The following PIP4K2A variants were observed in gnomAD, a reference collection of about 807,000 sequenced individuals.
PIP4K2A encodes phosphatidylinositol-5-phosphate 4-kinase type 2 alpha.
PIP4K2A carries 14 observed loss-of-function variants against 42.9 expected under a neutral mutation model. The observed-to-expected ratio is 0.33, with a 90% CI of 0.22 to 0.51. The LOEUF is 0.51. PIP4K2A is among the 20% of genes least tolerant of loss of function. The probability of loss-of-function intolerance (pLI) is 0.97; values close to 1 mark genes in which losing one functional copy is unlikely to be tolerated. For synonymous variants in PIP4K2A, 192 were observed against 192.2 expected (o/e 1.00, Z 0.01); for missense variants, 434 against 519.8 (o/e 0.83, Z 1.61).
At chr10:22,689,938 A>C (rs1281540188) in intron 1 of PIP4K2A, among the ~76,000 whole-genome samples, 3 of 152,192 alleles carry the variant, frequency 2.0e-5, no homozygotes, top group African/African-American at 4.8e-5. Context: ...GACATCACTG[A>C]ATAAGGCTGG....
intron 7 of PIP4K2A, among the ~76,000 whole-genome samples, chr10:22,546,865 A>G (rs1362830714): frequency 2.0e-5 from 3 of 152,208 alleles, no homozygotes; most frequent in African/African-American, 7.2e-5. Context: ...CACTGCAGGA[A>G]AACAGTATAT....
intron 1 of PIP4K2A, among the ~76,000 whole-genome samples, chr10:22,613,940 C>G (rs892789299): frequency 6.6e-6 from 1 of 152,200 alleles, no homozygotes; most frequent in Admixed American, 6.5e-5. Context: ...GAGTTTTCCA[C>G]TGTAGTCGAT....
chr10:22,663,794 G>A (rs189662388), intron 1 of PIP4K2A, among the ~76,000 whole-genome samples: 5 of 151,482 alleles, frequency 3.3e-5, no homozygotes, highest in African/African-American at 9.7e-5. Flanking sequence ...CACATGATTT[G>A]TAATGACATA....
chr10:22,543,723 T>G (rs888231226), intron 7 of PIP4K2A, among the ~76,000 whole-genome samples: 1 of 152,048 alleles, frequency 6.6e-6, no homozygotes, highest in African/African-American at 2.4e-5. Flanking sequence ...TGGGATCATG[T>G]TTGTGGGGGC....
At chr10:22,677,303 T>C (rs938673370) in intron 1 of PIP4K2A, among the ~76,000 whole-genome samples, 3 of 152,184 alleles carry the variant, frequency 2.0e-5, no homozygotes, top group African/African-American at 7.2e-5. Flanking sequence ...GACTGAGACT[T>C]AATGGGCACG....
chr10:22,593,137 C>T (rs1401264329), intron 3 of PIP4K2A, among the ~76,000 whole-genome samples: 2 of 152,202 alleles, frequency 1.3e-5, no homozygotes, highest in African/African-American at 4.8e-5. Context: ...GCAGGCCCTA[C>T]CTATGCCTGA....
chr10:22,603,893 C>G (rs1564439014), intron 3 of PIP4K2A, among the ~76,000 whole-genome samples: 1 of 152,168 alleles, frequency 6.6e-6, no homozygotes, highest in East Asian at 1.9e-4. Context: ...CACACTGATT[C>G]AACCCTGAGC....
At chr10:22,577,407 T>C (rs1416908793) in intron 4 of PIP4K2A, among the ~76,000 whole-genome samples, 1 of 152,150 alleles carries the variant, frequency 6.6e-6, no homozygotes, top group Non-Finnish European at 1.5e-5. Context: ...CATAAATGGC[T>C]TGGTGCCATA....
intron 9 of PIP4K2A, among the ~76,000 whole-genome samples, chr10:22,539,195 G>C (rs923250242): frequency 6.6e-6 from 1 of 152,194 alleles, no homozygotes; most frequent in Non-Finnish European, 1.5e-5. Context: ...GAGCCAGGAG[G>C]GGGCTGGGTC....
In PIP4K2A at chr10:22,573,475, A is replaced by G. The variant is rs571857152; in HGVS notation, c.493-18T>C. ...ACTATGTACTGCATAGGAGAGAAAG[A>G]AAAAGGAAAAAAACATCCAATCAAA... On this transcript the variant is annotated intron_variant, in intron 4 of 9. Coordinates refer to ENST00000376573, the MANE Select transcript of PIP4K2A (RefSeq NM_005028.5). 6.9e-6 allele frequency: 11 copies of G among 1,592,542 alleles called. No homozygotes were observed. In the South Asian group the frequency reaches 1.3e-4, roughly 18 times the overall value.
At chr10:22,654,108 A>T (rs887975859) in intron 1 of PIP4K2A, among the ~76,000 whole-genome samples, 2 of 152,198 alleles carry the variant, frequency 1.3e-5, no homozygotes, top group East Asian at 3.8e-4. Context: ...GGGTTCTGGA[A>T]TGGCAATGAC....
intron 9 of PIP4K2A, among the ~76,000 whole-genome samples, chr10:22,538,090 C>A (rs117128690): frequency 7.9e-5 from 12 of 152,332 alleles, no homozygotes; most frequent in African/African-American, 2.9e-4. Flanking sequence ...AGGGCAAGCA[C>A]GGAGTTTTGC....
At position 22,567,759 on chromosome 10, in the gene PIP4K2A, A is replaced by C. The variant is rs573629803; in HGVS notation, c.678+92T>G. ...GGGGAACAGGAAGAACCACAATAGC[A>C]GGGGTGGGAGACTAGAAATAAAGAG... On this transcript the variant is annotated intron_variant, in intron 6 of 9. Transcript: ENST00000376573. 29 of 1,060,588 alleles carry C rather than the reference A, an allele frequency of 2.7e-5. No individual in the cohort carries two copies. The South Asian group carries it at 3.2e-4, about 12-fold the overall frequency. 65.7% of individuals were successfully genotyped at this position (1,060,588 alleles called of 1,614,324 possible). A position where few individuals can be genotyped will look rare whatever the true frequency, so the allele number is the denominator to read the frequency against.
At chr10:22,613,490 G>A (rs1838102377) in intron 1 of PIP4K2A, among the ~76,000 whole-genome samples, 1 of 152,148 alleles carries the variant, frequency 6.6e-6, no homozygotes, top group Non-Finnish European at 1.5e-5. Flanking sequence ...CATGGGGAGG[G>A]AGCAGAACTG....
intron 1 of PIP4K2A, among the ~76,000 whole-genome samples, chr10:22,650,462 C>T (rs1333549046): frequency 6.6e-6 from 1 of 152,070 alleles, no homozygotes; most frequent in Non-Finnish European, 1.5e-5. Context: ...GCCCAGGCTG[C>T]CTCAGTTTTC....
chr10:22,651,843 G>C (rs1331384629), intron 1 of PIP4K2A, among the ~76,000 whole-genome samples: 2 of 152,136 alleles, frequency 1.3e-5, no homozygotes, highest in African/African-American at 4.8e-5. Context: ...GTGCTGCTTT[G>C]GCTGGGGAAC....
intron 1 of PIP4K2A, among the ~76,000 whole-genome samples, chr10:22,665,160 T>G (rs1279663934): frequency 6.6e-6 from 1 of 152,216 alleles, no homozygotes; most frequent in Non-Finnish European, 1.5e-5. Flanking sequence ...CTTCATCACT[T>G]TACTTTTTTC....
intron 1 of PIP4K2A, among the ~76,000 whole-genome samples, chr10:22,617,785 G>A (rs45462393): frequency 0.023 from 3,488 of 152,268 alleles, 59 homozygotes; most frequent in Non-Finnish European, 0.035. Context: ...GATGTCGAGA[G>A]TGGGTTGGGA....
chr10:22,655,161 A>AT (rs1324117817), intron 1 of PIP4K2A, among the ~76,000 whole-genome samples: 2 of 152,236 alleles, frequency 1.3e-5, no homozygotes, highest in African/African-American at 2.4e-5. Flanking sequence ...CACAAGGTAA[A>AT]TTGATAGAAG....
Sources: allele counts gnomAD v4.1 joint callset (sites outside exome capture counted in the v4.1 genomes callset), GRCh38; gene constraint gnomAD v4.1.1; transcripts MANE v1.5; gene names NCBI Gene and HGNC (gene_info 2026-07-23, HGNC 2026-07-21).